The following GRM7 variants were observed in gnomAD, a reference collection of about 807,000 sequenced individuals.
The protein encoded by GRM7 is glutamate metabotropic receptor 7, also known as metabotropic glutamate receptor 7.
A neutral mutation model predicts 84.5 loss-of-function variants in GRM7; 35 were observed. The ratio of observed to expected loss-of-function variants is 0.41; its 90% CI spans 0.32 to 0.55. The LOEUF is 0.55. GRM7 is among the 20% of genes least tolerant of loss of function. The probability of loss-of-function intolerance (pLI) is 0.19; values close to 1 mark genes in which losing one functional copy is unlikely to be tolerated. For synonymous variants in GRM7, 487 were observed against 455.1 expected (o/e 1.07, Z -0.89); for missense variants, 1,003 against 1,194.6 (o/e 0.84, Z 2.36).
intron 7 of GRM7, among the ~76,000 whole-genome samples, chr3:7,489,876 CAT>C (rs1195550691): frequency 6.6e-6 from 1 of 151,486 alleles, no homozygotes; most frequent in Non-Finnish European, 1.5e-5. Flanking sequence ...AAATATATGA[CAT>C]ATAACAGATT....
chr3:7,295,872 T>C (rs2125017505), intron 2 of GRM7, among the ~76,000 whole-genome samples: 1 of 152,228 alleles, frequency 6.6e-6, no homozygotes, highest in East Asian at 1.9e-4. Flanking sequence ...CTGATTTTAC[T>C]TTTTCCTTTG....
intron 8 of GRM7, among the ~76,000 whole-genome samples, chr3:7,588,217 T>C (rs1202064169): frequency 6.6e-6 from 1 of 152,208 alleles, no homozygotes; most frequent in South Asian, 2.1e-4. Context: ...CTGAGTATAA[T>C]GGATCTCTGG....
intron 1 of GRM7, among the ~76,000 whole-genome samples, chr3:7,070,542 C>G (rs1046356187): frequency 3.3e-5 from 5 of 152,106 alleles, no homozygotes; most frequent in African/African-American, 1.2e-4. Context: ...GCATTAGACA[C>G]TATTGTTCAC....
At chr3:7,491,151 T>A (rs1388177564) in intron 7 of GRM7, among the ~76,000 whole-genome samples, 3 of 151,912 alleles carry the variant, frequency 2.0e-5, no homozygotes, top group African/African-American at 7.2e-5. Context: ...CTATTTTTGC[T>A]TTTTATTATA....
chr3:6,862,812 A>G lies in GRM7; in HGVS notation c.519+905A>G, dbSNP rs571001441. The G allele has an allele frequency of 2.2e-4, 68 of 306,678 alleles. 1 individual carries two copies. The Middle Eastern group carries it at 5.2e-3, about 24-fold the overall frequency. 19.0% of individuals were successfully genotyped at this position (306,678 alleles called of 1,614,324 possible). ...GGACGATTCCCGGAGCGAGGCATGA[A>G]GGCGCCCGTTGGGAGGCAGAGGGGT... On this transcript the variant is annotated intron_variant, in intron 1 of 9. Coordinates refer to ENST00000357716, the MANE Select transcript of GRM7 (RefSeq NM_000844.4). The surrounding 1 kb of genome is among the most constrained non-coding windows in gnomAD (Gnocchi z 5.2).
intron 4 of GRM7, among the ~76,000 whole-genome samples, chr3:7,380,658 C>G (rs957978798): frequency 6.6e-6 from 1 of 152,162 alleles, no homozygotes; most frequent in African/African-American, 2.4e-5. Flanking sequence ...GCCCTCCTAG[C>G]CTACCAGGTG....
intron 1 of GRM7, among the ~76,000 whole-genome samples, chr3:7,022,804 C>G (rs1308177613): frequency 6.6e-6 from 1 of 152,072 alleles, no homozygotes; most frequent in Non-Finnish European, 1.5e-5. Flanking sequence ...AAAACTTCCC[C>G]TTTGTCCTAT....
At chr3:7,015,996 T>C (rs1228827462) in intron 1 of GRM7, among the ~76,000 whole-genome samples, 1 of 152,162 alleles carries the variant, frequency 6.6e-6, no homozygotes, top group African/African-American at 2.4e-5. Context: ...TGATATATTT[T>C]AAAACACCAC....
At chr3:7,676,203 G>A (rs1700114532) in intron 8 of GRM7, among the ~76,000 whole-genome samples, 1 of 152,232 alleles carries the variant, frequency 6.6e-6, no homozygotes, top group African/African-American at 2.4e-5. Context: ...ACTAAAGAAT[G>A]TACTAAAGAA....
chr3:7,219,305 T>C (rs181606677), intron 2 of GRM7, among the ~76,000 whole-genome samples: 1 of 152,322 alleles, frequency 6.6e-6, no homozygotes, highest in Non-Finnish European at 1.5e-5. Context: ...ACCTGGGAGA[T>C]CTGTTCCCAT....
intron 6 of GRM7, 101 bp from the exon 7 acceptor site, chr3:7,461,482 A>C: frequency 1.0e-6 from 1 of 959,634 alleles, no homozygotes; most frequent in Non-Finnish European, 1.6e-6. Context: ...TCTAGTAACT[A>C]CCTTTCTCCT....
At chr3:7,394,120 G>A (rs977175868) in intron 4 of GRM7, among the ~76,000 whole-genome samples, 1 of 152,128 alleles carries the variant, frequency 6.6e-6, no homozygotes. Flanking sequence ...AGTCCACACA[G>A]CTATAAGAGA....
chr3:7,482,347 A>G (rs1699163047), intron 7 of GRM7, among the ~76,000 whole-genome samples: 1 of 152,210 alleles, frequency 6.6e-6, no homozygotes, highest in Admixed American at 6.5e-5. Flanking sequence ...ATTGCTTCCA[A>G]ATAAACTGAC....
chr3:7,673,370 G>A (rs528558545), intron 8 of GRM7, among the ~76,000 whole-genome samples: 3 of 152,208 alleles, frequency 2.0e-5, no homozygotes, highest in South Asian at 2.1e-4. Flanking sequence ...AGCAGACATC[G>A]TGTTTATTTT....
At chr3:7,459,995 A>G (rs1279269570) in intron 6 of GRM7, among the ~76,000 whole-genome samples, 2 of 151,614 alleles carry the variant, frequency 1.3e-5, no homozygotes, top group Admixed American at 6.6e-5. Flanking sequence ...GAGTGACAAG[A>G]CAGAGACAGG....
chr3:7,534,862 A>G (rs755003685), intron 7 of GRM7, among the ~76,000 whole-genome samples: 9 of 152,190 alleles, frequency 5.9e-5, no homozygotes, highest in Non-Finnish European at 1.0e-4. Flanking sequence ...CACGGCTATT[A>G]AGGAAATGCA....
At chr3:7,079,060 T>A (rs879542077) in intron 1 of GRM7, among the ~76,000 whole-genome samples, 27 of 152,178 alleles carry the variant, frequency 1.8e-4, no homozygotes, top group Non-Finnish European at 3.4e-4. Flanking sequence ...TTTTAATATT[T>A]GTTATATAAC....
At chr3:6,890,035 ATT>A (rs1440064263) in intron 1 of GRM7, among the ~76,000 whole-genome samples, 4 of 152,136 alleles carry the variant, frequency 2.6e-5, no homozygotes, top group Non-Finnish European at 5.9e-5. Context: ...TGTTTGTAGT[ATT>A]CTCTGATGGT....
At chr3:6,898,043 G>GA (rs1308522097) in intron 1 of GRM7, among the ~76,000 whole-genome samples, 1 of 152,164 alleles carries the variant, frequency 6.6e-6, no homozygotes, top group African/African-American at 2.4e-5. Flanking sequence ...TCCCATGGGT[G>GA]TTCTCCATTG....
Sources: allele counts gnomAD v4.1 joint callset (sites outside exome capture counted in the v4.1 genomes callset), GRCh38; gene constraint gnomAD v4.1.1; non-coding constraint Gnocchi (gnomAD v3.1); transcripts MANE v1.5; gene names NCBI Gene and HGNC (gene_info 2026-07-23, HGNC 2026-07-21).